DLGAP2: variants seen among roughly 807,000 people sequenced by gnomAD.
DLGAP2 encodes the protein disks large-associated protein 2.
Under a neutral mutation model 100.3 loss-of-function variants are expected in DLGAP2, and 26 were observed. The observed-to-expected ratio is 0.26, with a 90% CI of 0.19 to 0.36. The LOEUF (loss-of-function observed/expected upper bound fraction) is 0.36, where lower values mean the gene tolerates loss of function less well. DLGAP2 is among the 10% of genes least tolerant of loss of function. The pLI is 1.00. For synonymous variants in DLGAP2, 886 were observed against 630.1 expected (o/e 1.41, Z -6.08); for missense variants, 1,858 against 1,453.2 (o/e 1.28, Z -4.53).
intron 3 of DLGAP2, chr8:1,300,087 T>G (rs1208498600): frequency 6.6e-6 from 1 of 152,170 alleles, no homozygotes; most frequent in African/African-American, 2.4e-5. Context: ...CAGTTTACCT[T>G]CATTACATCC....
At chr8:1,210,896 A>T (rs774722058) in intron 2 of DLGAP2, among the ~76,000 whole-genome samples, 1 of 152,114 alleles carries the variant, frequency 6.6e-6, no homozygotes, top group Non-Finnish European at 1.5e-5. Context: ...CTGGGCAGCA[A>T]TGTCCCTCCC....
chr8:1,300,099 C>T (rs1028633137), intron 3 of DLGAP2: 2 of 152,202 alleles, frequency 1.3e-5, no homozygotes, highest in African/African-American at 2.4e-5. Context: ...ATTACATCCT[C>T]ACTTCAAACA....
At chr8:1,173,187 A>T (rs552857958) in intron 2 of DLGAP2, among the ~76,000 whole-genome samples, 1 of 152,300 alleles carries the variant, frequency 6.6e-6, no homozygotes, top group Non-Finnish European at 1.5e-5. Context: ...CGGTGTCCGC[A>T]GAACAGTGGT....
intron 5 of DLGAP2, among the ~76,000 whole-genome samples, chr8:1,555,223 G>T (rs767370775): frequency 6.6e-6 from 1 of 152,044 alleles, no homozygotes; most frequent in African/African-American, 2.4e-5. Flanking sequence ...CAATCCTTCC[G>T]CAGCCCCTCG....
chr8:1,488,823 A>G (rs1375154935), intron 3 of DLGAP2, among the ~76,000 whole-genome samples: 1 of 152,146 alleles, frequency 6.6e-6, no homozygotes, highest in African/African-American at 2.4e-5. Context: ...ATGTCCAGAG[A>G]TCACCCCAGG....
At chr8:823,702 T>A (rs1796631018) in intron 1 of DLGAP2, among the ~76,000 whole-genome samples, 1 of 152,028 alleles carries the variant, frequency 6.6e-6, no homozygotes, top group Non-Finnish European at 1.5e-5. Flanking sequence ...TTGATCGAAA[T>A]GTTTTTGTTG....
chr8:812,419 C>T (rs1198377294), intron 1 of DLGAP2, among the ~76,000 whole-genome samples: 3 of 152,238 alleles, frequency 2.0e-5, no homozygotes. Context: ...TCCCTTCTGC[C>T]GGCCCCGCCA....
intron 4 of DLGAP2, among the ~76,000 whole-genome samples, chr8:1,515,946 AG>A (rs1312781710): frequency 6.6e-6 from 1 of 152,256 alleles, no homozygotes; most frequent in Non-Finnish European, 1.5e-5. Context: ...TGAGTGCAGG[AG>A]GGAATGATCG....
intron 3 of DLGAP2, among the ~76,000 whole-genome samples, chr8:1,281,350 G>T (rs1799809974): frequency 6.6e-6 from 1 of 152,220 alleles, no homozygotes; most frequent in Non-Finnish European, 1.5e-5. Context: ...CAGCCTCTTG[G>T]TGGCTTTCCC....
intron 6 of DLGAP2, among the ~76,000 whole-genome samples, chr8:1,585,659 C>A (rs185277399): frequency 6.6e-6 from 1 of 152,156 alleles, no homozygotes; most frequent in Non-Finnish European, 1.5e-5. Context: ...GGGAGACATC[C>A]CTAGAGATGC....
At chr8:1,514,619 A>T (rs1800295493) in intron 4 of DLGAP2, among the ~76,000 whole-genome samples, 1 of 152,208 alleles carries the variant, frequency 6.6e-6, no homozygotes, top group South Asian at 2.1e-4. Context: ...AACTTTGCTT[A>T]TACTCACCTA....
intron 1 of DLGAP2, among the ~76,000 whole-genome samples, chr8:783,900 A>T (rs951439381): frequency 6.6e-6 from 1 of 152,200 alleles, no homozygotes; most frequent in Non-Finnish European, 1.5e-5. Flanking sequence ...TTTCAACATA[A>T]TTAAAAGAGG....
chr8:920,359 A>C (rs1429907404), intron 2 of DLGAP2, among the ~76,000 whole-genome samples: 1 of 152,226 alleles, frequency 6.6e-6, no homozygotes, highest in East Asian at 1.9e-4. Context: ...TAGCCCCCAA[A>C]TCCACATTCC....
intron 1 of DLGAP2, among the ~76,000 whole-genome samples, chr8:831,252 T>C (rs1796777474): frequency 6.7e-6 from 1 of 149,842 alleles, no homozygotes; most frequent in Non-Finnish European, 1.5e-5. Flanking sequence ...CTAGGATGCA[T>C]GTGCACAACA....
intron 4 of DLGAP2, among the ~76,000 whole-genome samples, chr8:1,547,834 C>T (rs567358166): frequency 1.3e-5 from 2 of 152,278 alleles, no homozygotes; most frequent in African/African-American, 4.8e-5. Flanking sequence ...GATGGGACCT[C>T]GAGAAAGCTC....
At chr8:1,344,143 C>CGGGGCCCTGTCGTAAGTCCGTGTACTG (rs1563095068) in intron 3 of DLGAP2, among the ~76,000 whole-genome samples, 2 of 76,030 alleles carry the variant, frequency 2.6e-5, no homozygotes, top group Non-Finnish European at 5.6e-5. Context: ...TCCGTGTACT[C>CGGGGCCCTGTCGTAAGTCCGTGTACTG]GGGGCCCTGT....
chr8:1,006,073 C>G (rs1357788473), intron 2 of DLGAP2, among the ~76,000 whole-genome samples: 1 of 152,112 alleles, frequency 6.6e-6, no homozygotes, highest in Non-Finnish European at 1.5e-5. Flanking sequence ...CCTGTAATCA[C>G]AGGTACTCGG....
rs532959302 is a variant in DLGAP2, at chr8:1,180,662, G to A, written c.74-78189G>A. Among the ~76,000 whole-genome samples, 11 of 151,270 alleles carry A rather than the reference G, an allele frequency of 7.3e-5. No individual in the cohort carries two copies. The East Asian group carries it at 1.6e-3, about 22-fold the overall frequency. Reference sequence around the variant, plus strand: ...AGTGTGCAAGGGCAGTATGCTTACCGTCGACTGGGTGTGCCAGGGCAGTAC... The same window carrying A: ...AGTGTGCAAGGGCAGTATGCTTACCATCGACTGGGTGTGCCAGGGCAGTAC... On this transcript the variant is annotated intron_variant, in intron 2 of 14. Transcript: ENST00000637795.
At chr8:1,415,251 C>G (rs1020896690) in intron 3 of DLGAP2, among the ~76,000 whole-genome samples, 11 of 152,188 alleles carry the variant, frequency 7.2e-5, no homozygotes, top group African/African-American at 2.4e-4. Context: ...ACAAAACTTT[C>G]ACTTTTAATT....
Sources: gnomAD v4.1 joint callset for allele counts (sites outside exome capture counted in the v4.1 genomes callset) on GRCh38, gnomAD v4.1.1 for gene constraint, MANE v1.5 for transcripts, NCBI Gene and HGNC (gene_info 2026-07-23, HGNC 2026-07-21) for gene names.